DENND5B: variants seen among roughly 807,000 people sequenced by gnomAD.
DENND5B encodes the protein DENN domain-containing protein 5B.
DENND5B carries 34 observed loss-of-function variants against 140.6 expected under a neutral mutation model. The ratio of observed to expected loss-of-function variants is 0.24; its 90% CI spans 0.18 to 0.32. DENND5B has a LOEUF of 0.32. Ranked by LOEUF, DENND5B falls within the 10% of genes least tolerant of loss-of-function variation. DENND5B has a pLI of 1.00. For missense variants in DENND5B, 1,142 were observed against 1,560.2 expected (o/e 0.73, Z 4.52); for synonymous variants, 551 against 562.1 (o/e 0.98, Z 0.28).
intron 4 of DENND5B, among the ~76,000 whole-genome samples, chr12:31,458,784 T>C (rs185927206): frequency 2.0e-5 from 3 of 152,330 alleles, no homozygotes; most frequent in Admixed American, 1.3e-4. Context: ...GAGATTCTAT[T>C]AAGAAAGATG....
At chr12:31,524,266 G>A (rs553537439) in intron 1 of DENND5B, among the ~76,000 whole-genome samples, 1 of 152,296 alleles carries the variant, frequency 6.6e-6, no homozygotes, top group East Asian at 1.9e-4. Context: ...GTGACCAGCA[G>A]AATATGGCAG....
chr12:31,580,423 C>T (rs1331017894), intron 1 of DENND5B, among the ~76,000 whole-genome samples: 1 of 152,040 alleles, frequency 6.6e-6, no homozygotes, highest in African/African-American at 2.4e-5. Flanking sequence ...CATTATCTTG[C>T]TTTTTCATCA....
chr12:31,582,561 C>G (rs1197861448), intron 1 of DENND5B, among the ~76,000 whole-genome samples: 1 of 152,074 alleles, frequency 6.6e-6, no homozygotes, highest in Admixed American at 6.6e-5. Flanking sequence ...ACAGTAACAC[C>G]TTATCTTTAA....
intron 1 of DENND5B, among the ~76,000 whole-genome samples, chr12:31,553,944 A>G (rs1175373338): frequency 6.6e-6 from 1 of 151,728 alleles, no homozygotes; most frequent in African/African-American, 2.4e-5. Context: ...CTTTATTTTG[A>G]GCCTATGTAT....
rs377603246 is a variant in DENND5B, at chr12:31,503,544, CTG to C, written c.128-7627_128-7626del. Among the ~76,000 whole-genome samples, 27 of 152,308 alleles carry C rather than the reference CTG, an allele frequency of 1.8e-4. No homozygotes were observed. In the East Asian group the frequency reaches 5.2e-3, roughly 29 times the overall value. On this transcript the variant is annotated intron_variant, in intron 1 of 20. Transcript: ENST00000389082. ...CCAGCCTGGGCAACAGGGCCAAACT[CTG>C]TGTCTAAACAAACAATTGACACTGA...
At chr12:31,404,753 C>A (rs1240306199) in intron 14 of DENND5B, among the ~76,000 whole-genome samples, 1 of 44,280 alleles carries the variant, frequency 2.3e-5, no homozygotes, top group East Asian at 7.5e-4. Flanking sequence ...CGCGTCCGAC[C>A]TCTAGCTTTT....
chr12:31,563,447 A>C (rs1294355000), intron 1 of DENND5B, among the ~76,000 whole-genome samples: 1 of 152,222 alleles, frequency 6.6e-6, no homozygotes, highest in Admixed American at 6.5e-5. Context: ...TCCTGTGTAA[A>C]GCAGAGAGTT....
At chr12:31,578,521 A>G (rs1277369119) in intron 1 of DENND5B, among the ~76,000 whole-genome samples, 1 of 152,252 alleles carries the variant, frequency 6.6e-6, no homozygotes, top group Non-Finnish European at 1.5e-5. Flanking sequence ...GGCTATGCAC[A>G]ATTACTGGTT....
chr12:31,518,577 CT>C (rs5797414), intron 1 of DENND5B, among the ~76,000 whole-genome samples: 80,501 of 147,058 alleles, frequency 0.55, 22,043 homozygotes, highest in Admixed American at 0.69. Flanking sequence ...TCAAATATAC[CT>C]TTTTTTTTTT....
At chr12:31,490,024 A>T (rs1475326074) in intron 2 of DENND5B, among the ~76,000 whole-genome samples, 1 of 152,156 alleles carries the variant, frequency 6.6e-6, no homozygotes, top group African/African-American at 2.4e-5. Context: ...TATACGGAAC[A>T]GAGAGAAGTA....
At chr12:31,586,228 T>C (rs11051472) in intron 1 of DENND5B, among the ~76,000 whole-genome samples, 60,543 of 152,020 alleles carry the variant, frequency 0.4, 12,708 homozygotes, top group East Asian at 0.57. Context: ...ACTAATTGCA[T>C]GATTTACCTC....
chr12:31,467,643 C>T (rs1212880042), intron 3 of DENND5B, among the ~76,000 whole-genome samples: 5 of 151,922 alleles, frequency 3.3e-5, no homozygotes, highest in Non-Finnish European at 5.9e-5. Flanking sequence ...AATAAGGTCA[C>T]TATGAGTAAA....
At position 31,576,915 on chromosome 12, in the gene DENND5B, G is replaced by A. The variant is rs1052432991; in HGVS notation, c.127+13791C>T. ...CCTTATTTCTAAAAAAAAAAAGAGC[G>A]AGCTTTTTCACTATGAGGTTTTACA... On this transcript the variant is annotated intron_variant, in intron 1 of 20. Coordinates refer to ENST00000389082, the MANE Select transcript of DENND5B (RefSeq NM_144973.4). Among the ~76,000 whole-genome samples the A allele has an allele frequency of 4.6e-5, 7 of 151,508 alleles. No individual in the cohort carries two copies. The South Asian group carries it at 6.2e-4, about 14-fold the overall frequency.
At chr12:31,507,642 G>A (rs1235823364) in intron 1 of DENND5B, among the ~76,000 whole-genome samples, 1 of 152,130 alleles carries the variant, frequency 6.6e-6, no homozygotes, top group Non-Finnish European at 1.5e-5. Flanking sequence ...AATTTTTTAA[G>A]TAATTTAAGT....
intron 8 of DENND5B, chr12:31,432,929 GA>G: frequency 2.1e-6 from 1 of 474,450 alleles, no homozygotes; most frequent in Non-Finnish European, 3.7e-6. Flanking sequence ...GTAATACACA[GA>G]AAGACTTGTT....
intron 1 of DENND5B, among the ~76,000 whole-genome samples, chr12:31,526,662 A>C (rs1948094661): frequency 6.6e-6 from 1 of 152,244 alleles, no homozygotes; most frequent in Non-Finnish European, 1.5e-5. Flanking sequence ...TGGACAGTGG[A>C]ACAGAAAAAG....
chr12:31,508,485 T>C (rs1183065818), intron 1 of DENND5B, among the ~76,000 whole-genome samples: 1 of 152,180 alleles, frequency 6.6e-6, no homozygotes, highest in Non-Finnish European at 1.5e-5. Context: ...TATTAGTAAA[T>C]AGACTATCCT....
In DENND5B at chr12:31,591,089, G is replaced by GGCCCTCGCAGCCGCAGCT. The variant is rs1389543708; in HGVS notation, c.-275_-258dup. The GGCCCTCGCAGCCGCAGCT allele has an allele frequency of 2.5e-5, 4 of 162,344 alleles. No homozygotes were observed. The highest frequency in any genetic ancestry group is 9.7e-5 in the African/African-American group (4 of 41,298). 10.1% of individuals were successfully genotyped at this position (162,344 alleles called of 1,614,324 possible). A position where few individuals can be genotyped will look rare whatever the true frequency, so the allele number is the denominator to read the frequency against. On this transcript the variant is annotated 5_prime_UTR_variant, in exon 1 of 21. Transcript: ENST00000389082. Reference sequence around the variant, plus strand: ...GCGCGGGGGGAGTGTCGGCCTGAGAGGCCCTCGCAGCCGCAGCTGCGCTCG... The same window carrying GGCCCTCGCAGCCGCAGCT: ...GCGCGGGGGGAGTGTCGGCCTGAGAGGCCCTCGCAGCCGCAGCTGCCCTCGCAGCCGCAGCTGCGCTCG...
intron 3 of DENND5B, among the ~76,000 whole-genome samples, chr12:31,470,980 A>T (rs1308994374): frequency 6.6e-6 from 1 of 152,236 alleles, no homozygotes; most frequent in Non-Finnish European, 1.5e-5. Flanking sequence ...TCCACCTCCC[A>T]GGGAGTGGGA....
Sources: allele counts gnomAD v4.1 joint callset (sites outside exome capture counted in the v4.1 genomes callset), GRCh38; gene constraint gnomAD v4.1.1; transcripts MANE v1.5; gene names NCBI Gene and HGNC (gene_info 2026-07-23, HGNC 2026-07-21).